The following STXBP2 variants were observed in gnomAD, a reference collection of about 807,000 sequenced individuals.
STXBP2 encodes the protein syntaxin-binding protein 2.
A neutral mutation model predicts 72.2 loss-of-function variants in STXBP2; 47 were observed. That is an observed-to-expected ratio of 0.65 (90% CI 0.51 to 0.83). The LOEUF is 0.83. Among genes scored for constraint, STXBP2 ranks in the 40% least tolerant of loss-of-function variants. The pLI is 0.00. For missense variants in STXBP2, 702 were observed against 807.6 expected, an observed-to-expected ratio of 0.87 and a Z score of 1.58; for synonymous variants, 367 against 338.7, an observed-to-expected ratio of 1.08 and a Z score of -0.92.
At chr19:7,645,729 T>G (rs2032106971) in intron 15 of STXBP2, among the ~76,000 whole-genome samples, 1 of 151,742 alleles carries the variant, frequency 6.6e-6, no homozygotes, top group Non-Finnish European at 1.5e-5. Flanking sequence ...GCCTCTCCTG[T>G]CTCTCTCTGG....
At chr19:7,640,525 CGTGT>C (rs1158778625) in intron 4 of STXBP2, 4 of 671,492 alleles carry the variant, frequency 6.0e-6, no homozygotes, top group African/African-American at 3.7e-5. Context: ...TGTGTGCATG[CGTGT>C]GTATGTGTGT....
chr19:7,637,741 C>T (rs932067012), intron 1 of STXBP2, among the ~76,000 whole-genome samples: 1 of 152,152 alleles, frequency 6.6e-6, no homozygotes, highest in African/African-American at 2.4e-5. Context: ...GTGGAGGGCG[C>T]CTCTTCCTCC....
upstream of STXBP2, chr19:7,636,828 C>T: frequency 6.4e-6 from 2 of 314,816 alleles, no homozygotes; most frequent in Non-Finnish European, 1.2e-5. Context: ...CAGAACCTCC[C>T]GGGGAAGATG....
chr19:7,647,846 GAA>G lies in STXBP2; in HGVS notation c.*38_*39del, dbSNP rs769070794. On this transcript the variant is annotated 3_prime_UTR_variant, in exon 19 of 19. Transcript: ENST00000221283. ...CGCCCCCTACCCCTCCCTTTCCAGA[GAA>G]ATAAACTCTTCCCGTCGCTCTGCCA... 2 of 1,562,392 alleles carry G rather than the reference GAA, an allele frequency of 1.3e-6. No homozygotes were observed. Among genetic ancestry groups the G allele is most frequent in the African/African-American group, 2.7e-5 (2 of 73,442 alleles).
At chr19:7,640,485 T>C (rs569511262) in intron 4 of STXBP2, 9 of 685,956 alleles carry the variant, frequency 1.3e-5, no homozygotes, top group South Asian at 1.2e-4. Context: ...TGCATGTGTG[T>C]ATGTGTGTGT....
chr19:7,645,097 CT>C, intron 14 of STXBP2, 99 bp from the exon 15 acceptor site: 1 of 1,476,900 alleles, frequency 6.8e-7, no homozygotes, highest in Non-Finnish European at 9.2e-7. Context: ...GCAAGGTTCT[CT>C]CATCAGAGTC....
the STXBP2 span, chr19:7,630,902 G>A: frequency 3.3e-6 from 5 of 1,535,046 alleles, no homozygotes; most frequent in Middle Eastern, 3.3e-4. Flanking sequence ...TCTTGTATCC[G>A]GGATGGGTTT....
At chr19:7,632,634 C>T, upstream of STXBP2, 1 of 1,574,596 alleles carries the variant, frequency 6.4e-7, no homozygotes, top group African/African-American at 1.3e-5. The surrounding 1 kb of genome is among the most constrained non-coding windows in gnomAD (Gnocchi z 5.2). Context: ...ATCCCGTGCC[C>T]CCAGGCCCTC....
At chr19:7,646,812 G>C (rs1307246484) in intron 16 of STXBP2, 1 of 436,200 alleles carries the variant, frequency 2.3e-6, no homozygotes, top group South Asian at 2.6e-5. Flanking sequence ...GGGCTCTGAG[G>C]GGCTGAGAGC....
At chr19:7,630,092 G>C in the STXBP2 span, 1 of 524,008 alleles carries the variant, frequency 1.9e-6, no homozygotes, top group South Asian at 2.8e-5. Context: ...GTCCGAGGAA[G>C]GACCTCAGAG....
chr19:7,638,790 G>A lies in STXBP2; in HGVS notation c.87+15G>A, dbSNP rs1488942129. 6.2e-7 allele frequency: 1 copy of A among 1,614,160 alleles called. No homozygotes were observed. Among genetic ancestry groups the A allele is most frequent in the Admixed American group, 1.7e-5 (1 of 60,020 alleles). ...GGGAGTGGAAGGTAGGGGTGAGGCAGATGGCTGGGTACCCAGAGGCAGCTC... is the reference window on the plus strand; with the variant it reads ...GGGAGTGGAAGGTAGGGGTGAGGCAAATGGCTGGGTACCCAGAGGCAGCTC... On this transcript the variant is annotated intron_variant, in intron 2 of 18. Coordinates refer to ENST00000221283, the MANE Select transcript of STXBP2 (RefSeq NM_006949.4).
the STXBP2 span, chr19:7,630,486 C>T: frequency 2.7e-6 from 3 of 1,093,070 alleles, no homozygotes; most frequent in South Asian, 4.0e-5. Flanking sequence ...CTTCTGGACT[C>T]TGCAGTAGGA....
upstream of STXBP2, chr19:7,632,124 G>A: frequency 1.7e-6 from 1 of 582,952 alleles, no homozygotes; most frequent in Non-Finnish European, 3.0e-6. The surrounding 1 kb of genome is among the most constrained non-coding windows in gnomAD (Gnocchi z 5.2). Flanking sequence ...CTAGGAAGGG[G>A]TCCTATTTTC....
the STXBP2 span, chr19:7,630,064 G>C: frequency 1.6e-6 from 1 of 606,866 alleles, no homozygotes; most frequent in South Asian, 2.3e-5. Flanking sequence ...TCTGGGTTTG[G>C]GGGCTGTGAG....
chr19:7,640,271 T>C (rs1007681195), intron 4 of STXBP2: 10 of 552,870 alleles, frequency 1.8e-5, no homozygotes, highest in Non-Finnish European at 3.4e-5. Context: ...TATGCGTGTA[T>C]ATGTATGTGC....
In STXBP2 at chr19:7,642,242, C is replaced by G. The variant is rs753879238; in HGVS notation, c.703C>G (p.Arg235Gly). Residue 235 changes from arginine to glycine, a missense_variant, in exon 9 of 19, where the codon CGG becomes GGG. By Grantham distance (125) the Arg-to-Gly change is moderately radical. Transcript: ENST00000221283. This position sits in a 1 kb window ranked among gnomAD's most constrained non-coding sequence, Gnocchi z 6.0. ...KTRSQLLIMDRAADPVSPLLH... is the reference protein window; with the variant it reads ...KTRSQLLIMDGAADPVSPLLH... Reference sequence around the variant, plus strand: ...CCGCTCCCAGCTGCTGATAATGGACCGGGCAGCTGACCCCGTGTCCCCACT... The same window carrying G: ...CCGCTCCCAGCTGCTGATAATGGACGGGGCAGCTGACCCCGTGTCCCCACT... 12 of 1,614,054 alleles carry G rather than the reference C, an allele frequency of 7.4e-6. No homozygotes were observed. Among genetic ancestry groups the G allele is most frequent in the African/African-American group, 4.0e-5 (3 of 74,916 alleles).
chr19:7,638,334 T>G (rs1290982546), intron 1 of STXBP2, among the ~76,000 whole-genome samples: 1 of 152,166 alleles, frequency 6.6e-6, no homozygotes, highest in Non-Finnish European at 1.5e-5. Context: ...CTGTGCCGTG[T>G]CTCACACCTG....
In STXBP2 at chr19:7,642,832, G is replaced by A. The variant is rs371345040; in HGVS notation, c.960+9G>A. 78 of 1,613,970 alleles carry A rather than the reference G, an allele frequency of 4.8e-5. No individual in the cohort carries two copies. The highest frequency in any genetic ancestry group is 1.3e-4 in the Admixed American group (8 of 60,004). On this transcript the variant is annotated intron_variant, in intron 11 of 18. Transcript: ENST00000221283. The surrounding 1 kb of genome is among the most constrained non-coding windows in gnomAD (Gnocchi z 6.0). ...GGCTGACCACGGACAAGGTAGGGGC[G>A]GACCCAGGTCACCAAAGGCGCTGGT... is the stretch of plus-strand genomic sequence containing the variant.
chr19:7,639,676 C>G, intron 3 of STXBP2, 55 bp from the exon 4 acceptor site: 1 of 1,560,252 alleles, frequency 6.4e-7, no homozygotes, highest in African/African-American at 1.4e-5. Context: ...TGAGACTCCC[C>G]ACGTGGCCCT....
Sources: gnomAD v4.1 joint callset for allele counts (sites outside exome capture counted in the v4.1 genomes callset) on GRCh38, gnomAD v4.1.1 for gene constraint, Gnocchi (gnomAD v3.1) non-coding constraint, MANE v1.5 for transcripts, NCBI Gene and HGNC (gene_info 2026-07-23, HGNC 2026-07-21) for gene names.